WASHC2C: variants seen among roughly 807,000 people sequenced by gnomAD.
The protein encoded by WASHC2C is WASH complex subunit 2C.
WASHC2C carries 73 observed loss-of-function variants against 142.2 expected under a neutral mutation model. That is an observed-to-expected ratio of 0.51 (90% CI 0.43 to 0.62). WASHC2C has a LOEUF of 0.62. Among genes scored for constraint, WASHC2C ranks in the 20% least tolerant of loss-of-function variants. WASHC2C has a pLI of 0.00. For missense variants in WASHC2C, 969 were observed against 1,531.7 expected, an observed-to-expected ratio of 0.63 and a Z score of 6.13; for synonymous variants, 337 against 565.5, an observed-to-expected ratio of 0.60 and a Z score of 5.73.
At chr10:45,740,971 C>A (rs1449206583) in intron 5 of WASHC2C, among the ~76,000 whole-genome samples, 1 of 150,552 alleles carries the variant, frequency 6.6e-6, no homozygotes, top group Non-Finnish European at 1.5e-5. Context: ...TTTTTTGAGA[C>A]GGAGTTTCAC....
chr10:45,784,265 TATATATATATATATATATATATATACAC>T (rs1458920212), intron 23 of WASHC2C, among the ~76,000 whole-genome samples: 6 of 5,666 alleles, frequency 1.1e-3, no homozygotes, highest in South Asian at 0.021. Context: ...TATATATATA[TATATATATATATATATATATATATACAC>T]ATATATATAT....
intron 17 of WASHC2C, among the ~76,000 whole-genome samples, chr10:45,761,354 C>T (rs1481448921): frequency 3.9e-5 from 6 of 152,144 alleles, no homozygotes; most frequent in South Asian, 2.1e-4. Context: ...TGGAAGTCAA[C>T]GGTGGTCCTT....
In WASHC2C at chr10:45,752,601, C is replaced by T; in HGVS notation, c.1017C>T (p.Asn339=). ...RRTPSDDEED[N]LFAPPKLTDE... ...TCTGTTTGCTAGATGAAGAGGATAA[C>T]TTATTCGCACCCCCCAAGCTGACCG... Residue 339 remains asparagine (N), a synonymous_variant, in exon 12 of 31, where the codon AAC becomes AAT. Transcript: ENST00000623400. 1 of 1,608,908 alleles carries T rather than the reference C, an allele frequency of 6.2e-7. No homozygotes were observed.
chr10:45,758,964 CCTGG>C (rs1554878703), intron 16 of WASHC2C, among the ~76,000 whole-genome samples: 1 of 151,286 alleles, frequency 6.6e-6, no homozygotes, highest in Non-Finnish European at 1.5e-5. Context: ...TGTGTCATGT[CCTGG>C]CTGTGAAGCC....
chr10:45,731,997 C>T (rs1396483858), intron 3 of WASHC2C, among the ~76,000 whole-genome samples: 1 of 152,048 alleles, frequency 6.6e-6, no homozygotes, highest in Admixed American at 6.5e-5. Context: ...GGGGTTTCAC[C>T]GTGTTAGCCA....
At chr10:45,748,283 C>CTTTTTTTTTTTT (rs1160119861) in intron 8 of WASHC2C, among the ~76,000 whole-genome samples, 3 of 57,168 alleles carry the variant, frequency 5.2e-5, no homozygotes, top group African/African-American at 7.9e-5. Flanking sequence ...TTTTTCTTTC[C>CTTTTTTTTTTTT]TTTTTTTTTT....
chr10:45,730,287 C>T (rs1346569662), intron 3 of WASHC2C, among the ~76,000 whole-genome samples: 4 of 135,388 alleles, frequency 3.0e-5, no homozygotes, highest in African/African-American at 8.3e-5. Context: ...GCGGAGGTTG[C>T]GGTGAGCCGA....
chr10:45,762,831 G>A (rs1322524230), intron 17 of WASHC2C, among the ~76,000 whole-genome samples: 1 of 152,136 alleles, frequency 6.6e-6, no homozygotes, highest in African/African-American at 2.4e-5. Context: ...GTGTGAATCC[G>A]GGAGGCGGAG....
intron 20 of WASHC2C, among the ~76,000 whole-genome samples, chr10:45,772,790 C>T (rs1424007984): frequency 5.9e-5 from 9 of 152,040 alleles, no homozygotes; most frequent in South Asian, 2.1e-4. Flanking sequence ...GTCTCGATAA[C>T]GCTACTAAAA....
At position 45,788,945 on chromosome 10, in the gene WASHC2C, C is replaced by T. The variant is rs1232783887; in HGVS notation, c.3162C>T (p.Ser1054=). ...GGCGGCTGGCTGCTCAGGAGTCCAG[C>T]GAGGCTGAGGACATGAGCGTCCCCA... ...AARRLAAQES[S]EAEDMSVPRG... is the part of the protein sequence containing the mutation. The change falls in exon 29 of 31, where the codon AGC becomes AGT. Residue 1054 remains serine (S), a synonymous_variant. Transcript: ENST00000623400. 1.4e-5 allele frequency: 23 copies of T among 1,611,898 alleles called. No homozygotes were observed. The highest frequency in any genetic ancestry group is 5.5e-5 in the South Asian group (5 of 90,994).
chr10:45,733,524 C>T (rs2134098411), intron 3 of WASHC2C, among the ~76,000 whole-genome samples: 1 of 152,320 alleles, frequency 6.6e-6, no homozygotes, highest in East Asian at 1.9e-4. Context: ...TCACAAAACA[C>T]ATGAAGCTGT....
At chr10:45,785,787 A>G in intron 26 of WASHC2C, 156 bp downstream of exon 26, 1 of 1,341,752 alleles carries the variant, frequency 7.5e-7, no homozygotes, top group Non-Finnish European at 1.0e-6. Flanking sequence ...CCCCCGAGTC[A>G]TCTCCCCTCT....
At chr10:45,772,696 G>C (rs1445232861) in intron 20 of WASHC2C, among the ~76,000 whole-genome samples, 1 of 152,190 alleles carries the variant, frequency 6.6e-6, no homozygotes, top group Admixed American at 6.5e-5. Context: ...AGCCTGGGCA[G>C]TAGAGTGAGA....
At chr10:45,737,007 C>T (rs2051358686) in intron 3 of WASHC2C, among the ~76,000 whole-genome samples, 2 of 152,192 alleles carry the variant, frequency 1.3e-5, no homozygotes, top group South Asian at 4.2e-4. Context: ...GAGATAGAGT[C>T]TCACTTTTTC....
intron 17 of WASHC2C, 134 bp from the exon 18 acceptor site, chr10:45,763,254 G>A (rs1231292464): frequency 5.0e-6 from 3 of 596,986 alleles, no homozygotes; most frequent in South Asian, 2.0e-5. Context: ...CTCTGTCTGA[G>A]CCACCTTCCC....
Position 45,792,309 on chromosome 10 carries a change from G to A in WASHC2C, c.3935G>A (p.Ser1312Asn), listed in dbSNP as rs2135873160. Residue 1312 changes from serine (S) to asparagine (N), a missense_variant, in exon 31 of 31, where the codon AGC (serine) becomes AAC (asparagine). Coordinates refer to ENST00000623400, the MANE Select transcript of WASHC2C (RefSeq NM_001330074.2). ...GIQAKTTKPK[S>N]RSAQAAPEPR... ...CAGGCTAAGACAACCAAACCAAAAA[G>A]CCGATCTGCACAGGCCGCACCTGAA... is the stretch of plus-strand genomic sequence containing the variant. The A allele has an allele frequency of 1.3e-6, 2 of 1,560,374 alleles. No homozygotes were observed. Among genetic ancestry groups the A allele is most frequent in the East Asian group, 4.5e-5 (2 of 44,710 alleles).
intron 23 of WASHC2C, among the ~76,000 whole-genome samples, chr10:45,784,238 ATATGTGTGTGTG>A (rs2057744105): frequency 1.4e-4 from 8 of 58,214 alleles, no homozygotes; most frequent in African/African-American, 2.2e-4. Context: ...ATATATATAT[ATATGTGTGTGTG>A]TGTATATATA....
At chr10:45,730,059 A>G (rs1375141817) in intron 3 of WASHC2C, among the ~76,000 whole-genome samples, 1 of 137,902 alleles carries the variant, frequency 7.3e-6, no homozygotes, top group Non-Finnish European at 1.6e-5. Context: ...AATAACAAGT[A>G]TTCGGCCAGG....
chr10:45,789,216 G>A lies in WASHC2C; in HGVS notation c.3433G>A (p.Val1145Met), dbSNP rs1215249399. The part of the protein sequence containing the change: ...IFSTGTGSQS[V>M]ERTKPKAKIA... ...TTCCACGGGCACTGGATCTCAGTCCGTGGAGAGAACAAAACCCAAGGCAAA... is the reference window on the plus strand; with the variant it reads ...TTCCACGGGCACTGGATCTCAGTCCATGGAGAGAACAAAACCCAAGGCAAA... The change falls in exon 29 of 31, where the codon GTG (valine) becomes ATG (methionine). Residue 1145 changes from valine to methionine, a missense_variant. Val to Met is a conservative substitution (Grantham distance 21). Transcript: ENST00000623400. 4.2e-5 allele frequency: 68 copies of A among 1,612,044 alleles called. No individual in the cohort carries two copies. Among genetic ancestry groups the A allele is most frequent in the Non-Finnish European group, 5.6e-5 (66 of 1,179,872 alleles).
Sources: gnomAD v4.1 joint callset for allele counts (sites outside exome capture counted in the v4.1 genomes callset) on GRCh38, gnomAD v4.1.1 for gene constraint, MANE v1.5 for transcripts, NCBI Gene and HGNC (gene_info 2026-07-23, HGNC 2026-07-21) for gene names.